Variants in PPP1R12A observed in about 807,000 individuals in gnomAD.
PPP1R12A encodes the protein protein phosphatase 1 regulatory subunit 12A, also known as myosin binding subunit.
PPP1R12A carries 19 observed loss-of-function variants against 139.6 expected under a neutral mutation model. The observed-to-expected ratio is 0.14, with a 90% CI of 0.09 to 0.20. The LOEUF is 0.20. Ranked by LOEUF, PPP1R12A falls within the 10% of genes least tolerant of loss-of-function variation. The pLI is 1.00. For missense variants in PPP1R12A, 925 were observed against 1,211.5 expected (o/e 0.76, Z 3.51); for synonymous variants, 427 against 420.6 (o/e 1.02, Z -0.19).
intron 3 of PPP1R12A, among the ~76,000 whole-genome samples, chr12:79,841,296 A>G (rs1878680305): frequency 6.6e-6 from 1 of 152,116 alleles, no homozygotes; most frequent in Non-Finnish European, 1.5e-5. Flanking sequence ...TTCTTTGCCA[A>G]GCCAACTCCC....
At chr12:79,777,322 A>T (rs1322726033) in intron 24 of PPP1R12A, 1 of 981,354 alleles carries the variant, frequency 1.0e-6, no homozygotes, top group Non-Finnish European at 1.2e-6. Flanking sequence ...ATCATCCCTA[A>T]TTTTAATGTA....
intron 17 of PPP1R12A, 149 bp from the exon 18 acceptor site, chr12:79,795,908 G>T: frequency 1.5e-6 from 1 of 669,824 alleles, no homozygotes; most frequent in Non-Finnish European, 2.3e-6. Flanking sequence ...CCAGCCAATT[G>T]TTGGTATGTG....
In PPP1R12A at chr12:79,789,378, A is replaced by G. The variant is rs1192444140; in HGVS notation, c.2667-595T>C. On this transcript the variant is annotated intron_variant, in intron 20 of 24. Transcript: ENST00000450142. ...ATTTTAATATTTCCAAAACCAGAAAATGGCTTACAATTGATGATGCATTAT... is the reference window on the plus strand; with the variant it reads ...ATTTTAATATTTCCAAAACCAGAAAGTGGCTTACAATTGATGATGCATTAT... Among the ~76,000 whole-genome samples the G allele has an allele frequency of 2.6e-5, 4 of 152,214 alleles. No homozygotes were observed. In the South Asian group the frequency reaches 6.2e-4, roughly 24 times the overall value.
chr12:79,814,359 C>A (rs1360808817), intron 9 of PPP1R12A, among the ~76,000 whole-genome samples: 1 of 151,208 alleles, frequency 6.6e-6, no homozygotes, highest in Non-Finnish European at 1.5e-5. Context: ...TGCCTGTAGT[C>A]CCGGCTACTT....
intron 2 of PPP1R12A, among the ~76,000 whole-genome samples, chr12:79,868,507 A>C (rs549481616): frequency 1.3e-5 from 2 of 150,758 alleles, no homozygotes; most frequent in South Asian, 4.1e-4. Context: ...TCTGGTGCCT[A>C]GAAGTCCAAG....
intron 4 of PPP1R12A, among the ~76,000 whole-genome samples, chr12:79,829,498 G>A (rs562261260): frequency 6.6e-4 from 100 of 152,066 alleles, no homozygotes; most frequent in Non-Finnish European, 1.1e-3. Flanking sequence ...AGATTGCCCA[G>A]CTCACCCCAG....
At chr12:79,782,664 C>A in intron 22 of PPP1R12A, 2 of 410,100 alleles carry the variant, frequency 4.9e-6, no homozygotes, top group Admixed American at 3.0e-5. Flanking sequence ...AAAACAGTGG[C>A]ATCTTAGATT....
intron 20 of PPP1R12A, 35 bp downstream of exon 20, chr12:79,790,431 GA>G (rs2137004627): frequency 4.9e-6 from 6 of 1,228,324 alleles, no homozygotes; most frequent in Non-Finnish European, 5.5e-6. Flanking sequence ...ATAAAAATAA[GA>G]AAAAAATGTC....
chr12:79,804,723 TA>T, intron 14 of PPP1R12A, among the ~76,000 whole-genome samples: 1 of 152,154 alleles, frequency 6.6e-6, no homozygotes, highest in South Asian at 2.1e-4. Context: ...TTTGGTTTCC[TA>T]AGGTTTTATT....
At chr12:79,789,954 AT>A (rs1302331162) in intron 20 of PPP1R12A, among the ~76,000 whole-genome samples, 361 of 143,768 alleles carry the variant, frequency 2.5e-3, no homozygotes, top group Middle Eastern at 7.3e-3. Context: ...TAATTAAGAA[AT>A]TTTTTTTTTT....
At chr12:79,901,158 A>G (rs1260062437) in intron 1 of PPP1R12A, among the ~76,000 whole-genome samples, 1 of 152,208 alleles carries the variant, frequency 6.6e-6, no homozygotes, top group African/African-American at 2.4e-5. Context: ...AATTAGGATA[A>G]GCTTTTTGGC....
At chr12:79,840,698 T>C (rs1215108146) in intron 3 of PPP1R12A, among the ~76,000 whole-genome samples, 1 of 152,210 alleles carries the variant, frequency 6.6e-6, no homozygotes, top group African/African-American at 2.4e-5. Flanking sequence ...TTGTTCTTCA[T>C]TTCAAATGTA....
Position 79,774,621 on chromosome 12 carries a change from G to C in PPP1R12A, c.*1308C>G, listed in dbSNP as rs111954607. 2.1e-4 allele frequency: 16 copies of C among 77,924 alleles called. No homozygotes were observed. The South Asian group carries it at 6.3e-3, about 31-fold the overall frequency. The allele number at this position is 77,924 out of a possible 1,614,324, so 4.8% of individuals were successfully genotyped here. A position where few individuals can be genotyped will look rare whatever the true frequency, so the allele number is the denominator to read the frequency against. On this transcript the variant is annotated 3_prime_UTR_variant, in exon 25 of 25. Transcript: ENST00000450142. Reference sequence around the variant, plus strand: ...ATCGTCACTATGTACTTGGTTTTGCGCTTTTTTTTCCTTAAAAAAAAAAAA... The same window carrying C: ...ATCGTCACTATGTACTTGGTTTTGCCCTTTTTTTTCCTTAAAAAAAAAAAA...
intron 1 of PPP1R12A, among the ~76,000 whole-genome samples, chr12:79,925,970 G>T (rs1244483630): frequency 6.6e-6 from 1 of 151,604 alleles, no homozygotes; most frequent in South Asian, 2.1e-4. Flanking sequence ...TCCCTATATT[G>T]CCCAGGCTGG....
At chr12:79,906,511 C>G (rs1886130076) in intron 1 of PPP1R12A, among the ~76,000 whole-genome samples, 1 of 151,990 alleles carries the variant, frequency 6.6e-6, no homozygotes, top group African/African-American at 2.4e-5. Flanking sequence ...TAAAACACAT[C>G]AATATTATCC....
intron 14 of PPP1R12A, among the ~76,000 whole-genome samples, chr12:79,802,369 C>A (rs1247892624): frequency 6.6e-6 from 1 of 152,124 alleles, no homozygotes; most frequent in Non-Finnish European, 1.5e-5. Flanking sequence ...TCCATTCATT[C>A]ATTTAATTTA....
At chr12:79,929,262 C>T (rs112400766) in intron 1 of PPP1R12A, among the ~76,000 whole-genome samples, 161 of 152,286 alleles carry the variant, frequency 1.1e-3, no homozygotes, top group African/African-American at 3.8e-3. Flanking sequence ...GCCAGTGTGT[C>T]GCTCACCTCC....
intron 3 of PPP1R12A, among the ~76,000 whole-genome samples, chr12:79,837,594 T>C (rs886317361): frequency 6.6e-6 from 1 of 152,192 alleles, no homozygotes; most frequent in Non-Finnish European, 1.5e-5. Context: ...GTAGTTCCCA[T>C]AATCCCTACA....
chr12:79,906,456 T>G (rs2137501613), intron 1 of PPP1R12A, among the ~76,000 whole-genome samples: 1 of 152,268 alleles, frequency 6.6e-6, no homozygotes, highest in Middle Eastern at 3.4e-3. Context: ...ATTTTCTAAA[T>G]GTTCTATACG....
Sources: gnomAD v4.1 joint callset for allele counts (sites outside exome capture counted in the v4.1 genomes callset) on GRCh38, gnomAD v4.1.1 for gene constraint, MANE v1.5 for transcripts, NCBI Gene and HGNC (gene_info 2026-07-23, HGNC 2026-07-21) for gene names.